KALRN: variants seen among roughly 807,000 people sequenced by gnomAD.
KALRN encodes kalirin RhoGEF kinase, also known as kalirin.
KALRN carries 70 observed loss-of-function variants against 353.7 expected under a neutral mutation model. That is an observed-to-expected ratio of 0.20 (90% CI 0.16 to 0.24). KALRN has a LOEUF of 0.24. Among genes scored for constraint, KALRN ranks in the 10% least tolerant of loss-of-function variants. KALRN has a pLI of 1.00. For synonymous variants in KALRN, 1,391 were observed against 1,434.8 expected (o/e 0.97, Z 0.69); for missense variants, 2,791 against 3,756.7 (o/e 0.74, Z 6.72).
Position 124,398,574 on chromosome 3 carries a change from T to C in KALRN, c.2172-123T>C, listed in dbSNP as rs2090459453. On this transcript the variant is annotated intron_variant, in intron 12 of 59. Transcript: ENST00000682506. ...ACAGCAGGAGTTTGATAAATGTCTG[T>C]TGATTGAATGACTCAACTGATTCAC... 3.2e-6 allele frequency: 3 copies of C among 944,434 alleles called. No individual in the cohort carries two copies. In the South Asian group the frequency reaches 4.4e-5, roughly 14 times the overall value. 58.5% of individuals were successfully genotyped at this position (944,434 alleles called of 1,614,324 possible). A position where few individuals can be genotyped will look rare whatever the true frequency, so the allele number is the denominator to read the frequency against.
chr3:124,655,570 G>T, intron 38 of KALRN, 31 bp from the exon 39 acceptor site: 1 of 1,576,680 alleles, frequency 6.3e-7, no homozygotes. Flanking sequence ...CAATGAAGAG[G>T]AACACTCACT....
chr3:124,167,570 G>T (rs1357857160), intron 1 of KALRN, among the ~76,000 whole-genome samples: 1 of 152,210 alleles, frequency 6.6e-6, no homozygotes. Context: ...TTATTGAAGT[G>T]ATCAACATTC....
At chr3:124,641,361 G>C (rs2082025243) in intron 37 of KALRN, among the ~76,000 whole-genome samples, 1 of 152,092 alleles carries the variant, frequency 6.6e-6, no homozygotes, top group Non-Finnish European at 1.5e-5. Flanking sequence ...ACTTTTTCTG[G>C]GTTTTGCATT....
intron 33 of KALRN, among the ~76,000 whole-genome samples, chr3:124,496,791 C>CCACAGT (rs1490186187): frequency 1.3e-5 from 2 of 152,090 alleles, no homozygotes; most frequent in East Asian, 3.9e-4. Context: ...TGTCCTGAGA[C>CCACAGT]CTTAGTGGCT....
At chr3:124,157,900 C>A (rs918945111) in intron 1 of KALRN, among the ~76,000 whole-genome samples, 1 of 152,178 alleles carries the variant, frequency 6.6e-6, no homozygotes, top group African/African-American at 2.4e-5. Flanking sequence ...CTTCCTGAGT[C>A]CTGTTGCTCC....
chr3:124,390,817 C>A (rs998453525), intron 11 of KALRN, among the ~76,000 whole-genome samples: 1 of 152,108 alleles, frequency 6.6e-6, no homozygotes, highest in Non-Finnish European at 1.5e-5. Context: ...CATCCGTAAG[C>A]CTTGTTATTT....
chr3:124,479,812 C>T (rs1432914340), intron 27 of KALRN, among the ~76,000 whole-genome samples: 2 of 150,828 alleles, frequency 1.3e-5, no homozygotes, highest in Admixed American at 6.6e-5. Context: ...CAAGCTCCGC[C>T]TCCTGGGTTC....
In KALRN at chr3:124,723,287, A is replaced by T. The variant is rs1195867327; in HGVS notation, c.*3817A>T. On this transcript the variant is annotated 3_prime_UTR_variant, in exon 60 of 60. Transcript: ENST00000682506. Reference sequence around the variant, plus strand: ...AATATCTTGTAAATGAAAACATCTGAATATAGGGGTGGGACCAGGAATGTT... The same window carrying T: ...AATATCTTGTAAATGAAAACATCTGTATATAGGGGTGGGACCAGGAATGTT... 1 of 152,164 alleles carries T rather than the reference A, an allele frequency of 6.6e-6. No homozygotes were observed. Among genetic ancestry groups the T allele is most frequent in the Non-Finnish European group, 1.5e-5 (1 of 68,018 alleles). 9.4% of individuals were successfully genotyped at this position (152,164 alleles called of 1,614,324 possible).
At position 124,713,032 on chromosome 3, in the gene KALRN, G is replaced by A. The variant is rs1347875934; in HGVS notation, c.8173G>A (p.Ala2725Thr). The change falls in exon 58 of 60, where the codon GCT becomes ACT. Residue 2725 changes from alanine to threonine, a missense_variant. By Grantham distance (58) the Ala-to-Thr change is moderately conservative (BLOSUM62 0). Coordinates refer to ENST00000682506, the MANE Select transcript of KALRN (RefSeq NM_001388419.1). ...VSKKMKKKEQ[A>T]AHEAALLQHL... ...CAAAAAAATGAAGAAGAAAGAACAG[G>A]CTGCCCACGAGGCTGCCCTGCTTCA... The A allele has an allele frequency of 6.2e-7, 1 of 1,613,858 alleles. No homozygotes were observed. Among genetic ancestry groups the A allele is most frequent in the Non-Finnish European group, 8.5e-7 (1 of 1,179,978 alleles).
At chr3:124,485,078 A>G (rs2062406489) in intron 28 of KALRN, among the ~76,000 whole-genome samples, 1 of 152,346 alleles carries the variant, frequency 6.6e-6, no homozygotes, top group African/African-American at 2.4e-5. Flanking sequence ...CCTGGGCAAC[A>G]GGGTGAGACT....
chr3:124,205,936 C>T (rs1026610414), intron 1 of KALRN, among the ~76,000 whole-genome samples: 1 of 152,134 alleles, frequency 6.6e-6, no homozygotes, highest in Non-Finnish European at 1.5e-5. Flanking sequence ...GTTTTTGTAC[C>T]TAGATCACTG....
At chr3:124,709,536 C>T (rs1207529467) in intron 57 of KALRN, among the ~76,000 whole-genome samples, 1 of 152,160 alleles carries the variant, frequency 6.6e-6, no homozygotes, top group African/African-American at 2.4e-5. Flanking sequence ...CCTTGGTCTC[C>T]CAAGGTGTTG....
chr3:124,470,533 T>TA (rs1561047842), intron 25 of KALRN, among the ~76,000 whole-genome samples: 3 of 66,738 alleles, frequency 4.5e-5, no homozygotes, highest in East Asian at 4.7e-4. Flanking sequence ...AATAGGTTTT[T>TA]TAAAAAAAAA....
At chr3:124,142,214 C>T (rs1054461809) in intron 1 of KALRN, among the ~76,000 whole-genome samples, 15 of 152,162 alleles carry the variant, frequency 9.9e-5, no homozygotes, top group African/African-American at 1.7e-4. Context: ...ACTTAGAGAG[C>T]GGATGCCTGA....
intron 26 of KALRN, among the ~76,000 whole-genome samples, chr3:124,476,584 T>TA (rs1373354475): frequency 6.6e-6 from 1 of 152,140 alleles, no homozygotes; most frequent in Non-Finnish European, 1.5e-5. Context: ...AAAATACACA[T>TA]ACCTTTCCCA....
At chr3:124,439,667 A>G (rs1355813001) in intron 18 of KALRN, among the ~76,000 whole-genome samples, 2 of 152,230 alleles carry the variant, frequency 1.3e-5, no homozygotes, top group East Asian at 3.8e-4. Flanking sequence ...ACCAACACAC[A>G]TGACACTGTT....
At chr3:124,189,975 A>G (rs1445457790) in intron 1 of KALRN, among the ~76,000 whole-genome samples, 2 of 151,400 alleles carry the variant, frequency 1.3e-5, no homozygotes, top group African/African-American at 4.9e-5. Flanking sequence ...GCGAGAATTT[A>G]TAGAATGAAC....
At chr3:124,675,269 A>C (rs1000883911) in intron 49 of KALRN, 8 of 152,156 alleles carry the variant, frequency 5.3e-5, no homozygotes, top group Non-Finnish European at 1.2e-4. Context: ...TGTATAAAGT[A>C]TTTTGCACTA....
intron 10 of KALRN, among the ~76,000 whole-genome samples, chr3:124,375,332 C>G (rs995346881): frequency 3.3e-5 from 5 of 152,176 alleles, no homozygotes; most frequent in Non-Finnish European, 7.3e-5. Flanking sequence ...GTCTATTGTT[C>G]CCTCTGGTTT....
Sources: allele counts gnomAD v4.1 joint callset (sites outside exome capture counted in the v4.1 genomes callset), GRCh38; gene constraint gnomAD v4.1.1; transcripts MANE v1.5; gene names NCBI Gene and HGNC (gene_info 2026-07-23, HGNC 2026-07-21).